PHC3: variants seen among roughly 807,000 people sequenced by gnomAD.
PHC3 encodes the protein polyhomeotic homolog 3, also known as polyhomeotic-like protein 3.
Under a neutral mutation model 107.4 loss-of-function variants are expected in PHC3, and 13 were observed. That is an observed-to-expected ratio of 0.12 (90% CI 0.08 to 0.19). PHC3 has a LOEUF of 0.19. Among genes scored for constraint, PHC3 ranks in the 10% least tolerant of loss-of-function variants. PHC3 has a pLI of 1.00. For synonymous variants in PHC3, 456 were observed against 427.4 expected (o/e 1.07, Z -0.83); for missense variants, 992 against 1,210.9 (o/e 0.82, Z 2.68).
At chr3:170,170,855 T>C (rs1388148388) in intron 4 of PHC3, 1 of 152,580 alleles carries the variant, frequency 6.6e-6, no homozygotes, top group Non-Finnish European at 1.5e-5. Flanking sequence ...TTTCCCAATA[T>C]ATATGTGCAA....
chr3:170,170,880 T>C (rs1729483175), intron 4 of PHC3: 2 of 153,520 alleles, frequency 1.3e-5, no homozygotes, highest in Admixed American at 6.5e-5. Context: ...GCGAATCAGC[T>C]TTCTTTTACT....
rs568803236 is a variant in PHC3, at chr3:170,097,179, G to A, written c.*51C>T. On this transcript the variant is annotated 3_prime_UTR_variant, in exon 15 of 15. Transcript: ENST00000495893. The surrounding 1 kb of genome is among the most constrained non-coding windows in gnomAD (Gnocchi z 4.1). ...ACCAAGTTAGGCCTTTACCTTACAA[G>A]TTTTTGTGAGAAAAGTAAAACTGCT... 756 of 1,543,336 alleles carry A rather than the reference G, an allele frequency of 4.9e-4. 13 individuals carry two copies. In the South Asian group the frequency reaches 8.9e-3, roughly 18 times the overall value.
rs1025251674 is a variant in PHC3, at chr3:170,089,982, C to T, written c.*7248G>A. On this transcript the variant is annotated 3_prime_UTR_variant, in exon 15 of 15. Transcript: ENST00000495893. ...CTCACTGTCAATACTGGGTAAAAAG[C>T]TCTTATATCAACACCAGCTTTTTTT... The T allele has an allele frequency of 1.4e-4, 21 of 148,000 alleles. No individual in the cohort carries two copies. The highest frequency in any genetic ancestry group is 5.0e-4 in the African/African-American group (20 of 40,400). The allele number at this position is 148,000 out of a possible 1,614,324, so 9.2% of individuals were successfully genotyped here.
intron 2 of PHC3, among the ~76,000 whole-genome samples, chr3:170,176,231 A>G (rs1215937534): frequency 1.3e-5 from 2 of 151,844 alleles, no homozygotes; most frequent in South Asian, 4.1e-4. Context: ...GTCTCAAAAA[A>G]AAAAAAAAAA....
At chr3:170,154,037 T>G (rs1215802797) in intron 4 of PHC3, among the ~76,000 whole-genome samples, 1 of 152,136 alleles carries the variant, frequency 6.6e-6, no homozygotes, top group Non-Finnish European at 1.5e-5. Context: ...CATTCCCATA[T>G]CCCAAAGCAG....
At chr3:170,116,782 A>G (rs1039773159) in intron 10 of PHC3, among the ~76,000 whole-genome samples, 6 of 151,836 alleles carry the variant, frequency 4.0e-5, no homozygotes, top group African/African-American at 4.8e-5. Context: ...ACGGTGGCGC[A>G]CACCTGTAGT....
intron 12 of PHC3, among the ~76,000 whole-genome samples, chr3:170,106,214 AAAAC>A (rs1471279626): frequency 6.6e-6 from 1 of 152,164 alleles, no homozygotes; most frequent in Non-Finnish European, 1.5e-5. Context: ...TCTATATCCA[AAAAC>A]AAACAAACGA....
intron 11 of PHC3, among the ~76,000 whole-genome samples, chr3:170,108,115 A>G (rs1716920647): frequency 6.6e-6 from 1 of 152,168 alleles, no homozygotes; most frequent in Non-Finnish European, 1.5e-5. Context: ...ACATTTTGCC[A>G]TTTTCTTGCA....
In PHC3 at chr3:170,096,391, C is replaced by T. The variant is rs1490485735; in HGVS notation, c.*839G>A. 2.6e-5 allele frequency: 4 copies of T among 152,012 alleles called. No homozygotes were observed. The highest frequency in any genetic ancestry group is 9.7e-5 in the African/African-American group (4 of 41,394). The allele number at this position is 152,012 out of a possible 1,614,324, so 9.4% of individuals were successfully genotyped here. On this transcript the variant is annotated 3_prime_UTR_variant, in exon 15 of 15. Transcript: ENST00000495893. ...TACCGATATTTTTGAACCAATAATT[C>T]TTTACAGTGGAGGGGTGCTGTCCTG...
intron 4 of PHC3, among the ~76,000 whole-genome samples, chr3:170,159,950 C>T (rs894704670): frequency 3.3e-5 from 5 of 152,072 alleles, no homozygotes; most frequent in Non-Finnish European, 7.4e-5. Context: ...TTTTCAAGCC[C>T]ACAAAGATTT....
At chr3:170,150,124 GCTA>G (rs1416933251) in intron 4 of PHC3, among the ~76,000 whole-genome samples, 3 of 152,106 alleles carry the variant, frequency 2.0e-5, no homozygotes, top group African/African-American at 7.2e-5. Context: ...TTAAAAAAGA[GCTA>G]CTGTTTCATT....
At position 170,163,366 on chromosome 3, in the gene PHC3, CAT is replaced by C. The variant is rs1386850215; in HGVS notation, c.414+8005_414+8006del. On this transcript the variant is annotated intron_variant, in intron 4 of 14. Coordinates refer to ENST00000495893, the MANE Select transcript of PHC3 (RefSeq NM_024947.4). ...AAAATGCAACAAGGAAAGAGAATGACATATACATAGCCCTTAAGTCACTCAGA... is the reference window on the plus strand; with the variant it reads ...AAAATGCAACAAGGAAAGAGAATGACATACATAGCCCTTAAGTCACTCAGA... 3.3e-5 allele frequency among the ~76,000 whole-genome samples: 5 copies of C among 151,966 alleles called. No individual in the cohort carries two copies. In the East Asian group the frequency reaches 7.7e-4, roughly 23 times the overall value.
At chr3:170,128,543 G>A in intron 8 of PHC3, 141 bp downstream of exon 8, 2 of 1,182,828 alleles carry the variant, frequency 1.7e-6, no homozygotes, top group Non-Finnish European at 2.3e-6. Flanking sequence ...CATACAGCAT[G>A]TTTGTCAGAA....
intron 14 of PHC3, among the ~76,000 whole-genome samples, chr3:170,099,295 C>T (rs1423094061): frequency 6.6e-6 from 1 of 152,002 alleles, no homozygotes; most frequent in Admixed American, 6.6e-5. Context: ...TGGGAATTAG[C>T]ACGATCAAAT....
intron 8 of PHC3, among the ~76,000 whole-genome samples, chr3:170,126,225 T>C (rs571703544): frequency 4.6e-5 from 7 of 151,982 alleles, no homozygotes; most frequent in Admixed American, 3.9e-4. Context: ...TGTGAAGAAA[T>C]GTGTTTGAAT....
chr3:170,155,278 A>G (rs901820363), intron 4 of PHC3, among the ~76,000 whole-genome samples: 2 of 152,276 alleles, frequency 1.3e-5, no homozygotes, highest in African/African-American at 4.8e-5. Flanking sequence ...TTTCACATTA[A>G]AAGAATGATG....
At chr3:170,144,738 C>G (rs1724679126) in intron 6 of PHC3, among the ~76,000 whole-genome samples, 1 of 152,200 alleles carries the variant, frequency 6.6e-6, no homozygotes, top group South Asian at 2.1e-4. Context: ...ATTAATCTCA[C>G]TGTGTCACCC....
intron 2 of PHC3, chr3:170,176,742 A>C (rs1449412284): frequency 4.9e-6 from 1 of 204,136 alleles, no homozygotes; most frequent in East Asian, 1.2e-4. Flanking sequence ...ATTATTCAAT[A>C]AGTATTAGCT....
intron 12 of PHC3, among the ~76,000 whole-genome samples, chr3:170,105,557 G>C (rs1346747296): frequency 6.6e-6 from 1 of 151,956 alleles, no homozygotes; most frequent in Non-Finnish European, 1.5e-5. Flanking sequence ...TAGTTTTAGG[G>C]TATGTGTGAT....
Sources: allele counts gnomAD v4.1 joint callset (sites outside exome capture counted in the v4.1 genomes callset), GRCh38; gene constraint gnomAD v4.1.1; non-coding constraint Gnocchi (gnomAD v3.1); transcripts MANE v1.5; gene names NCBI Gene and HGNC (gene_info 2026-07-23, HGNC 2026-07-21).